The following ASB3 variants were observed in gnomAD, a reference collection of about 807,000 sequenced individuals.
ASB3 encodes ankyrin repeat and SOCS box containing 3.
A neutral mutation model predicts 54.5 loss-of-function variants in ASB3; 41 were observed. That is an observed-to-expected ratio of 0.75 (90% CI 0.59 to 0.98). The LOEUF is 0.98. Among genes scored for constraint, ASB3 ranks in the 50% least tolerant of loss-of-function variants. The pLI, the probability that ASB3 is intolerant of heterozygous loss-of-function variation, is 0.00. For missense variants in ASB3, 733 were observed against 620.0 expected, an observed-to-expected ratio of 1.18 and a Z score of -1.94; for synonymous variants, 266 against 221.2, an observed-to-expected ratio of 1.20 and a Z score of -1.80.
chr2:53,720,053 CAG>C, intron 5 of ASB3, among the ~76,000 whole-genome samples: 2 of 151,378 alleles, frequency 1.3e-5, no homozygotes, highest in African/African-American at 4.9e-5. Context: ...GAAGGACAGA[CAG>C]AACTCAAACT....
At chr2:53,774,849 GA>G (rs1674222679) in intron 1 of ASB3, 1 of 191,588 alleles carries the variant, frequency 5.2e-6, no homozygotes, top group Admixed American at 5.7e-5. Context: ...ATACTATTTT[GA>G]AATTCTAAAC....
At chr2:53,782,524 C>T (rs1401108444) in intron 1 of ASB3, among the ~76,000 whole-genome samples, 2 of 152,210 alleles carry the variant, frequency 1.3e-5, no homozygotes, top group African/African-American at 4.8e-5. Context: ...CTTTTTACCA[C>T]AGCCCTTTAC....
chr2:53,737,078 T>C (rs988269109), intron 3 of ASB3, among the ~76,000 whole-genome samples: 3 of 152,230 alleles, frequency 2.0e-5, no homozygotes, highest in Non-Finnish European at 4.4e-5. Context: ...TACTTTGGGA[T>C]ATGACAGTAT....
intron 5 of ASB3, among the ~76,000 whole-genome samples, chr2:53,724,606 A>G (rs1036620808): frequency 1.3e-5 from 2 of 152,146 alleles, no homozygotes; most frequent in Non-Finnish European, 2.9e-5. Context: ...TTCAAAAAAA[A>G]AAAAAAATTG....
At chr2:53,695,916 T>G (rs904961059) in intron 8 of ASB3, among the ~76,000 whole-genome samples, 28 of 152,198 alleles carry the variant, frequency 1.8e-4, no homozygotes, top group African/African-American at 6.3e-4. Flanking sequence ...GTTTATAATT[T>G]ACGTGACAAA....
chr2:53,683,619 T>G (rs1268105211), intron 9 of ASB3, among the ~76,000 whole-genome samples: 2 of 152,154 alleles, frequency 1.3e-5, no homozygotes, highest in South Asian at 2.1e-4. Flanking sequence ...ACTTTTTTTT[T>G]GCTGGGAAAT....
chr2:53,704,062 T>G (rs561634819), intron 7 of ASB3, among the ~76,000 whole-genome samples: 1 of 152,096 alleles, frequency 6.6e-6, no homozygotes. Context: ...CGTGTATCAC[T>G]CATTAAGAAA....
At chr2:53,723,597 T>C (rs935679906) in intron 5 of ASB3, among the ~76,000 whole-genome samples, 1 of 152,138 alleles carries the variant, frequency 6.6e-6, no homozygotes, top group Admixed American at 6.5e-5. Flanking sequence ...TAAATTCATA[T>C]GGAACCAAAA....
At chr2:53,699,722 G>C (rs562045512) in intron 8 of ASB3, among the ~76,000 whole-genome samples, 47 of 151,512 alleles carry the variant, frequency 3.1e-4, no homozygotes, top group Non-Finnish European at 5.9e-4. Context: ...GAGGTTAATA[G>C]AAAGAGTCTT....
At chr2:53,699,411 GAA>G (rs1213037989) in intron 8 of ASB3, among the ~76,000 whole-genome samples, 1 of 152,218 alleles carries the variant, frequency 6.6e-6, no homozygotes. Flanking sequence ...AAAGGAGCAT[GAA>G]GGCTGAAAGT....
intron 5 of ASB3, among the ~76,000 whole-genome samples, chr2:53,723,582 T>A (rs1446937923): frequency 2.0e-5 from 3 of 152,060 alleles, no homozygotes; most frequent in African/African-American, 7.2e-5. Context: ...AGAAAAAAAA[T>A]TTCTTAAATT....
chr2:53,687,805 T>C (rs1237266622), intron 9 of ASB3, among the ~76,000 whole-genome samples: 1 of 152,160 alleles, frequency 6.6e-6, no homozygotes, highest in Non-Finnish European at 1.5e-5. Flanking sequence ...TACTGCTCCA[T>C]TATTTGTAGC....
Position 53,714,375 on chromosome 2 carries a change from T to C in ASB3, c.980+9A>G, listed in dbSNP as rs78292763. The stretch of plus-strand genomic sequence containing the variant: ...GAATAAAAAATAAAAACATAGCAAA[T>C]ATACATACTCCTTTTGGAAAGCCAT... On this transcript the variant is annotated intron_variant, in intron 7 of 9. Transcript: ENST00000263634. 1.8e-3 allele frequency: 2,936 copies of C among 1,612,474 alleles called. 42 individuals are homozygous for C. The East Asian group carries it at 0.034, about 19-fold the overall frequency.
chr2:53,775,826 C>CCTG (rs1416907345), intron 1 of ASB3, among the ~76,000 whole-genome samples: 1 of 152,078 alleles, frequency 6.6e-6, no homozygotes, highest in Non-Finnish European at 1.5e-5. Context: ...CATTTTGTTA[C>CCTG]CTGCATAGAT....
chr2:53,676,480 G>A lies in ASB3; in HGVS notation c.1370-5790C>T, dbSNP rs570667220. Among the ~76,000 whole-genome samples, 9 of 152,262 alleles carry A rather than the reference G, an allele frequency of 5.9e-5. 1 individual carries two copies. The East Asian group carries it at 1.7e-3, about 29-fold the overall frequency. On this transcript the variant is annotated intron_variant, in intron 9 of 9. Transcript: ENST00000263634. ...CGTAAGGATATTTTAGTAAACGACG[G>A]ACCACATATACGATGGTGGCCCCAC...
chr2:53,784,790 A>G (rs2093909195), intron 1 of ASB3, among the ~76,000 whole-genome samples: 1 of 152,180 alleles, frequency 6.6e-6, no homozygotes, highest in South Asian at 2.1e-4. Flanking sequence ...TTATATTTGC[A>G]AAGACCCTAT....
At chr2:53,754,419 T>C (rs1181238282) in intron 2 of ASB3, among the ~76,000 whole-genome samples, 1 of 152,332 alleles carries the variant, frequency 6.6e-6, no homozygotes, top group Admixed American at 6.5e-5. Flanking sequence ...TAAAATCTCC[T>C]GTGTGATTAT....
chr2:53,712,879 A>G (rs1004141553), intron 7 of ASB3, among the ~76,000 whole-genome samples: 1 of 152,260 alleles, frequency 6.6e-6, no homozygotes, highest in Non-Finnish European at 1.5e-5. Flanking sequence ...AAAAGTTATC[A>G]GTGCAACCTC....
intron 5 of ASB3, among the ~76,000 whole-genome samples, chr2:53,718,875 CA>C (rs1670543412): frequency 6.6e-6 from 1 of 151,990 alleles, no homozygotes; most frequent in African/African-American, 2.4e-5. Context: ...AAAGATTTAT[CA>C]ACCAAATGGA....
Sources: allele counts gnomAD v4.1 joint callset (sites outside exome capture counted in the v4.1 genomes callset), GRCh38; gene constraint gnomAD v4.1.1; transcripts MANE v1.5; gene names NCBI Gene and HGNC (gene_info 2026-07-23, HGNC 2026-07-21).